Variants in STPG2 observed in about 807,000 individuals in gnomAD.
STPG2 encodes sperm-tail PG-rich repeat-containing protein 2.
STPG2 carries 56 observed loss-of-function variants against 54.2 expected under a neutral mutation model. The ratio of observed to expected loss-of-function variants is 1.03; its 90% confidence interval spans 0.83 to 1.29. The LOEUF (loss-of-function observed/expected upper bound fraction) is 1.29. STPG2 is among the 50% of genes most tolerant of loss of function. The pLI is 0.00. For missense variants in STPG2, 596 were observed against 544.9 expected (o/e 1.09, Z -0.93); for synonymous variants, 200 against 181.8 (o/e 1.10, Z -0.81).
intron 10 of STPG2, among the ~76,000 whole-genome samples, chr4:97,680,903 A>T (rs1723012615): frequency 6.6e-6 from 1 of 152,046 alleles, no homozygotes; most frequent in Non-Finnish European, 1.5e-5. Context: ...CTCAGCTAAT[A>T]ATAGAAAGGA....
chr4:98,107,359 A>G (rs1022319400), intron 4 of STPG2, among the ~76,000 whole-genome samples: 8 of 151,694 alleles, frequency 5.3e-5, no homozygotes, highest in African/African-American at 1.9e-4. Flanking sequence ...AGACAACTAC[A>G]AGTCAAAGAT....
intron 9 of STPG2, among the ~76,000 whole-genome samples, chr4:97,782,432 C>T (rs978017262): frequency 3.3e-5 from 5 of 152,022 alleles, no homozygotes; most frequent in African/African-American, 9.7e-5. Flanking sequence ...TAAAAGAGGA[C>T]ACAAACAAAT....
chr4:97,943,487 A>G (rs1733072318), intron 8 of STPG2, among the ~76,000 whole-genome samples: 1 of 152,184 alleles, frequency 6.6e-6, no homozygotes, highest in South Asian at 2.1e-4. Flanking sequence ...ACCATTTAAC[A>G]TACAGGTCAA....
At chr4:98,113,654 C>A (rs1739423607) in intron 3 of STPG2, among the ~76,000 whole-genome samples, 1 of 151,826 alleles carries the variant, frequency 6.6e-6, no homozygotes, top group Non-Finnish European at 1.5e-5. Flanking sequence ...AAAGCACTAT[C>A]TCAAAGTAAT....
intron 4 of STPG2, among the ~76,000 whole-genome samples, chr4:97,506,863 C>CAAA (rs1313826093): frequency 6.6e-6 from 1 of 151,574 alleles, no homozygotes; most frequent in African/African-American, 2.4e-5. Flanking sequence ...AAAGCAAAGA[C>CAAA]AAAACAGATG....
intron 4 of STPG2, among the ~76,000 whole-genome samples, chr4:97,460,063 A>C (rs1240026898): frequency 1.3e-5 from 2 of 152,186 alleles, no homozygotes; most frequent in Non-Finnish European, 2.9e-5. Flanking sequence ...TAGTAATTGA[A>C]TTATAGTTTA....
chr4:97,903,351 C>T (rs1731254511), intron 8 of STPG2, among the ~76,000 whole-genome samples: 1 of 151,292 alleles, frequency 6.6e-6, no homozygotes, highest in African/African-American at 2.4e-5. Flanking sequence ...TGAATATACA[C>T]AATTTTTATT....
intron 10 of STPG2, among the ~76,000 whole-genome samples, chr4:97,637,710 G>A (rs931375445): frequency 7.2e-5 from 11 of 152,092 alleles, no homozygotes; most frequent in Non-Finnish European, 1.2e-4. Flanking sequence ...CAAACAAACA[G>A]AGAGCCAAAT....
Position 97,581,170 on chromosome 4 carries a change from C to A in STPG2, c.1321-22053G>T, listed in dbSNP as rs141928442. 4.1e-3 allele frequency among the ~76,000 whole-genome samples: 629 copies of A among 152,132 alleles called. 3 individuals carry two copies. The highest frequency in any genetic ancestry group is 0.02 in the South Asian group (98 of 4,818). On this transcript the variant is annotated intron_variant, in intron 10 of 10. Transcript: ENST00000295268. ...AATTACAAATTCATTTCTTTGGTCA[C>A]ACTAAACACACTTTAGTTGCTCAAC... is the stretch of plus-strand genomic sequence containing the variant.
intron 8 of STPG2, among the ~76,000 whole-genome samples, chr4:97,845,811 G>A (rs1728931972): frequency 6.6e-6 from 1 of 152,180 alleles, no homozygotes; most frequent in Non-Finnish European, 1.5e-5. Context: ...CCAAAAAGTA[G>A]AAGAGACCTT....
At chr4:97,565,777 T>A (rs1218356873) in intron 10 of STPG2, among the ~76,000 whole-genome samples, 2 of 152,184 alleles carry the variant, frequency 1.3e-5, no homozygotes, top group Non-Finnish European at 2.9e-5. Context: ...TGCTGCTGTC[T>A]GATCGTTCCT....
intron 8 of STPG2, among the ~76,000 whole-genome samples, chr4:97,852,046 G>A (rs1419813226): frequency 6.6e-6 from 1 of 152,112 alleles, no homozygotes; most frequent in Non-Finnish European, 1.5e-5. Context: ...TAAAGACAGA[G>A]AAATTCTTTA....
At chr4:97,879,058 C>A (rs1426711499) in intron 8 of STPG2, among the ~76,000 whole-genome samples, 5 of 152,160 alleles carry the variant, frequency 3.3e-5, no homozygotes, top group Non-Finnish European at 5.9e-5. Flanking sequence ...TAAAACATAG[C>A]AAGAGTCACC....
intron 5 of STPG2, among the ~76,000 whole-genome samples, chr4:97,993,267 G>A (rs983817721): frequency 1.3e-5 from 2 of 152,068 alleles, no homozygotes; most frequent in African/African-American, 2.4e-5. Flanking sequence ...CTTCTATGCC[G>A]ATTTTGCTGA....
At chr4:97,540,803 GGC>G (rs1265120749) in intron 4 of STPG2, among the ~76,000 whole-genome samples, 1 of 152,100 alleles carries the variant, frequency 6.6e-6, no homozygotes, top group Non-Finnish European at 1.5e-5. Context: ...TGGGATGGAA[GGC>G]TGGTTCAACA....
chr4:97,844,493 T>G (rs1728890718), intron 8 of STPG2, among the ~76,000 whole-genome samples: 1 of 152,102 alleles, frequency 6.6e-6, no homozygotes, highest in Non-Finnish European at 1.5e-5. Flanking sequence ...CTTTTGCATG[T>G]CTTTTCACTA....
intron 10 of STPG2, among the ~76,000 whole-genome samples, chr4:97,563,490 G>T (rs1327018582): frequency 3.3e-5 from 5 of 152,110 alleles, no homozygotes; most frequent in African/African-American, 1.2e-4. Flanking sequence ...GCTTTTGAAT[G>T]TGTTTGCTTT....
intron 10 of STPG2, among the ~76,000 whole-genome samples, chr4:97,704,077 C>G (rs1328580921): frequency 1.3e-5 from 2 of 152,018 alleles, no homozygotes; most frequent in Non-Finnish European, 2.9e-5. Context: ...AGATGGTACC[C>G]ACCCAGATTA....
At chr4:97,593,691 C>T (rs139087312) in intron 10 of STPG2, among the ~76,000 whole-genome samples, 3 of 152,262 alleles carry the variant, frequency 2.0e-5, no homozygotes, top group African/African-American at 4.8e-5. Flanking sequence ...GATGCTGGAA[C>T]GCATGAAGGA....
Sources: allele counts gnomAD v4.1 joint callset (sites outside exome capture counted in the v4.1 genomes callset), GRCh38; gene constraint gnomAD v4.1.1; transcripts MANE v1.5; gene names NCBI Gene and HGNC (gene_info 2026-07-23, HGNC 2026-07-21).